The following DDX41 variants were observed in gnomAD, a reference collection of about 807,000 sequenced individuals.
DDX41 encodes probable ATP-dependent RNA helicase DDX41.
DDX41 carries 50 observed loss-of-function variants against 78.8 expected under a neutral mutation model. The observed-to-expected ratio is 0.63, with a 90% confidence interval of 0.51 to 0.80. The LOEUF (loss-of-function observed/expected upper bound fraction) is 0.80, where lower values mean the gene tolerates loss of function less well. Ranked by LOEUF, DDX41 falls within the 30% of genes least tolerant of loss-of-function variation. The pLI, the probability that DDX41 is intolerant of heterozygous loss-of-function variation, is 0.00. For synonymous variants in DDX41, 381 were observed against 321.5 expected, an observed-to-expected ratio of 1.19 and a Z score of -1.98; for missense variants, 633 against 849.2, an observed-to-expected ratio of 0.75 and a Z score of 3.16.
intron 4 of DDX41, 41 bp from the exon 5 acceptor site, chr5:177,516,030 G>A: frequency 1.2e-6 from 2 of 1,614,030 alleles, no homozygotes; most frequent in Non-Finnish European, 1.7e-6. Flanking sequence ...TCCTGCTTCT[G>A]AGAAGCCAGA....
At chr5:177,516,013 G>A in intron 4 of DDX41, 24 bp from the exon 5 acceptor site, 3 of 1,614,152 alleles carry the variant, frequency 1.9e-6, no homozygotes, top group Non-Finnish European at 2.5e-6. Flanking sequence ...CATGGCTCAG[G>A]GCTGGCTCCT....
chr5:177,516,821 G>A lies in DDX41; in HGVS notation c.42C>T (p.Asp14=), dbSNP rs1240631753. The part of the protein sequence containing the change: ...SEPERKRART[D]EVPAGGSRSE... ...AGCGGCTTCCTCCGGCAGGCACCTCGTCGGTGCGAGCCCGCTGCAAGCACA... is the reference window on the plus strand; with the variant it reads ...AGCGGCTTCCTCCGGCAGGCACCTCATCGGTGCGAGCCCGCTGCAAGCACA... Residue 14 remains aspartate (D), a synonymous_variant, in exon 2 of 17, where the codon GAC becomes GAT. Coordinates refer to ENST00000330503, the MANE Select transcript of DDX41 (RefSeq NM_016222.4). 5 of 1,612,518 alleles carry A rather than the reference G, an allele frequency of 3.1e-6. No individual in the cohort carries two copies. Among genetic ancestry groups the A allele is most frequent in the Non-Finnish European group, 3.4e-6 (4 of 1,179,882 alleles).
Position 177,513,596 on chromosome 5 carries a change from G to A in DDX41, c.1098+89C>T. 6.2e-7 allele frequency: 1 copy of A among 1,601,930 alleles called. No individual in the cohort carries two copies. On this transcript the variant is annotated intron_variant, in intron 10 of 16. Transcript: ENST00000330503. This position sits in a 1 kb window ranked among gnomAD's most constrained non-coding sequence, Gnocchi z 4.6. ...GCCCACAAAGTATGAGCAGTGGGTT[G>A]GGGTGGCCAGGGGCATGGGGTCCCT...
chr5:177,514,370 C>G lies in DDX41; in HGVS notation c.935+331G>C. ...TGACTGACCACTGAATGACCCTGACCTTCCTGGGCCGTCCGCCTCTGTGCT... is the reference window on the plus strand; with the variant it reads ...TGACTGACCACTGAATGACCCTGACGTTCCTGGGCCGTCCGCCTCTGTGCT... On this transcript the variant is annotated intron_variant, in intron 9 of 16. Transcript: ENST00000330503. The surrounding 1 kb of genome is among the most constrained non-coding windows in gnomAD (Gnocchi z 4.2). 2 of 458,552 alleles carry G rather than the reference C, an allele frequency of 4.4e-6. No homozygotes were observed. Among genetic ancestry groups the G allele is most frequent in the Non-Finnish European group, 8.1e-6 (2 of 245,704 alleles). 28.4% of individuals were successfully genotyped at this position (458,552 alleles called of 1,614,324 possible).
chr5:177,514,954 T>C lies in DDX41; in HGVS notation c.760A>G (p.Lys254Glu). The part of the protein sequence containing the change: ...LEQEKRLPFS[K>E]REGPYGLIIC... ...ATGAGTCCATAGGGCCCCTCGCGCT[T>C]TGAGAAGGGTAACCTCTTCTCTTGT... Residue 254 changes from lysine to glutamate, a missense_variant, in exon 8 of 17, where the codon AAG (lysine) becomes GAG (glutamate). Transcript: ENST00000330503. The surrounding 1 kb of genome is among the most constrained non-coding windows in gnomAD (Gnocchi z 4.2). The C allele has an allele frequency of 6.2e-7, 1 of 1,612,622 alleles. No homozygotes were observed. The highest frequency in any genetic ancestry group is 8.5e-7 in the Non-Finnish European group (1 of 1,178,954).
Position 177,513,563 on chromosome 5 carries a change from G to A in DDX41, c.1099-79C>T, listed in dbSNP as rs1581805288. The A allele has an allele frequency of 6.2e-7, 1 of 1,609,430 alleles. No homozygotes were observed. Among genetic ancestry groups the A allele is most frequent in the East Asian group, 2.2e-5 (1 of 44,858 alleles). On this transcript the variant is annotated intron_variant, in intron 10 of 16. Coordinates refer to ENST00000330503, the MANE Select transcript of DDX41 (RefSeq NM_016222.4). This position sits in a 1 kb window ranked among gnomAD's most constrained non-coding sequence, Gnocchi z 4.6. The stretch of plus-strand genomic sequence containing the variant: ...TGGGGTCTGGGGAAGCTGAGCAACT[G>A]AGACACAGCCCACAAAGTATGAGCA...
rs1761199338 is a variant in DDX41, at chr5:177,515,773, C to T, written c.483G>A (p.Glu161=). 4 of 1,614,060 alleles carry T rather than the reference C, an allele frequency of 2.5e-6. No homozygotes were observed. Among genetic ancestry groups the T allele is most frequent in the Non-Finnish European group, 3.4e-6 (4 of 1,180,056 alleles). Residue 161 remains glutamate (E), a synonymous_variant, in exon 6 of 17, where the codon GAG becomes GAA. Transcript: ENST00000330503. ...GGATGTGGTATTTCTTCCGCACGCG[C>T]TCATGTCGCTCTTCAGACATGCTCA... ...YVLSMSEERH[E]RVRKKYHILV...
intron 6 of DDX41, 91 bp downstream of exon 6, chr5:177,515,594 G>A (rs1761188953): frequency 6.7e-7 from 1 of 1,495,634 alleles, no homozygotes; most frequent in African/African-American, 1.4e-5. Context: ...TGGATCCAAT[G>A]CAGATGTGGC....
At position 177,512,767 on chromosome 5, in the gene DDX41, G is replaced by T; in HGVS notation, c.1399+13C>A. The T allele has an allele frequency of 6.2e-7, 1 of 1,613,892 alleles. No homozygotes were observed. Among genetic ancestry groups the T allele is most frequent in the Non-Finnish European group, 8.5e-7 (1 of 1,179,876 alleles). ...TGCAGCAGGGTCCAAGCCAGTGCTT[G>T]CACCACCCTGACCTTTGCCCCCATG... On this transcript the variant is annotated intron_variant, in intron 13 of 16. Coordinates refer to ENST00000330503, the MANE Select transcript of DDX41 (RefSeq NM_016222.4).
In DDX41 at chr5:177,514,207, G is replaced by T. The variant is rs763014152; in HGVS notation, c.936-360C>A. ...AATACTCAGAAGTCCGTGGAGGAAGGCCTCCGGGATGGGGTCTGGCCCATC... is the reference window on the plus strand; with the variant it reads ...AATACTCAGAAGTCCGTGGAGGAAGTCCTCCGGGATGGGGTCTGGCCCATC... On this transcript the variant is annotated intron_variant, in intron 9 of 16. Coordinates refer to ENST00000330503, the MANE Select transcript of DDX41 (RefSeq NM_016222.4). The surrounding 1 kb of genome is among the most constrained non-coding windows in gnomAD (Gnocchi z 4.2). 129 of 500,920 alleles carry T rather than the reference G, an allele frequency of 2.6e-4. 4 individuals are homozygous for T. The highest frequency in any genetic ancestry group is 2.0e-4 in the Non-Finnish European group (52 of 256,860). The allele number at this position is 500,920 out of a possible 1,614,324, so 31.0% of individuals were successfully genotyped here.
chr5:177,515,903 G>C, intron 5 of DDX41, 26 bp downstream of exon 5: 1 of 1,614,150 alleles, frequency 6.2e-7, no homozygotes. Context: ...CCTAAGCAAG[G>C]GCAACTGCAG....
chr5:177,514,951 G>A lies in DDX41; in HGVS notation c.763C>T (p.Arg255Cys), dbSNP rs760338178. ...ATGATGAGTCCATAGGGCCCCTCGC[G>A]CTTTGAGAAGGGTAACCTCTTCTCT... is the stretch of plus-strand genomic sequence containing the variant. Reference protein sequence around the residue: ...EQEKRLPFSKREGPYGLIICP... With the variant: ...EQEKRLPFSKCEGPYGLIICP... The change falls in exon 8 of 17, where the codon CGC (arginine) becomes TGC (cysteine). Residue 255 changes from arginine to cysteine, a missense_variant. By Grantham distance (180) the Arg-to-Cys change is radical. Around this residue, in one of 6 missense-constraint regions of DDX41, gnomAD observed 151 missense variants for 169.2 expected, o/e 0.89. Transcript: ENST00000330503. This position sits in a 1 kb window ranked among gnomAD's most constrained non-coding sequence, Gnocchi z 4.2. 6 of 1,612,270 alleles carry A rather than the reference G, an allele frequency of 3.7e-6. No homozygotes were observed. Among genetic ancestry groups the A allele is most frequent in the South Asian group, 2.2e-5 (2 of 91,072 alleles).
Position 177,514,115 on chromosome 5 carries a change from G to A in DDX41, c.936-268C>T. On this transcript the variant is annotated intron_variant, in intron 9 of 16. Transcript: ENST00000330503. The surrounding 1 kb of genome is among the most constrained non-coding windows in gnomAD (Gnocchi z 4.2). ...CCAGAAGCGCTGTCATCAAGCTCCAGAGGCTTTACTCTGGGCTCGCTTTCC... is the reference window on the plus strand; with the variant it reads ...CCAGAAGCGCTGTCATCAAGCTCCAAAGGCTTTACTCTGGGCTCGCTTTCC... The A allele has an allele frequency of 1.6e-6, 1 of 636,768 alleles. No homozygotes were observed. 39.4% of individuals were successfully genotyped at this position (636,768 alleles called of 1,614,324 possible). A position where few individuals can be genotyped will look rare whatever the true frequency, so the allele number is the denominator to read the frequency against.
At position 177,516,913 on chromosome 5, in the gene DDX41, T is replaced by TCCTA. The variant is rs142465759; in HGVS notation, c.27+2_27+5dup. ...CCACACGCGCGGGGTCTCGCCTCTC[T>TCCTA]CCTACCTTCCGTTCGGGTTCCGACT... On this transcript the variant is annotated splice_donor_region_variant and intron_variant, in intron 1 of 16. Coordinates refer to ENST00000330503, the MANE Select transcript of DDX41 (RefSeq NM_016222.4). 2,958 of 1,613,298 alleles carry TCCTA rather than the reference T, an allele frequency of 1.8e-3. 48 individuals are homozygous for TCCTA. In the African/African-American group the frequency reaches 0.032, roughly 17 times the overall value.
intron 6 of DDX41, 66 bp from the exon 7 acceptor site, chr5:177,515,324 A>T: frequency 6.6e-7 from 1 of 1,508,080 alleles, no homozygotes; most frequent in Non-Finnish European, 9.2e-7. Flanking sequence ...CAAAGCCTGT[A>T]AAACTGGCAC....
In DDX41 at chr5:177,513,976, A is replaced by G. The variant is rs1349300782; in HGVS notation, c.936-129T>C. 12 of 939,464 alleles carry G rather than the reference A, an allele frequency of 1.3e-5. No individual in the cohort carries two copies. Among genetic ancestry groups the G allele is most frequent in the Non-Finnish European group, 1.8e-5 (11 of 609,678 alleles). 58.2% of individuals were successfully genotyped at this position (939,464 alleles called of 1,614,324 possible). On this transcript the variant is annotated intron_variant, in intron 9 of 16. Transcript: ENST00000330503. The surrounding 1 kb of genome is among the most constrained non-coding windows in gnomAD (Gnocchi z 4.6). ...TTTCTTTGTCTGTCCCCTTCTCATC[A>G]TTCCCACCACCTGCCCTATGTATAG...
Position 177,513,122 on chromosome 5 carries a change from G to A in DDX41, c.1231-40C>T. ...ATCAGGTCAGGTGATCTTGAGATTA[G>A]GCTTACCCGCCACAGCCCTGCCATG... On this transcript the variant is annotated intron_variant, in intron 11 of 16. Transcript: ENST00000330503. This position sits in a 1 kb window ranked among gnomAD's most constrained non-coding sequence, Gnocchi z 4.6. 6.3e-7 allele frequency: 1 copy of A among 1,575,786 alleles called. No individual in the cohort carries two copies.
rs761366592 is a variant in DDX41, at chr5:177,516,112, A to T, written c.373+7T>A. ...CCACCTTCTCACTATCCTGGCTACA[A>T]CCATACCTCGGCCCTCGGCAACACT... On this transcript the variant is annotated splice_region_variant and intron_variant, in intron 4 of 16. Transcript: ENST00000330503. 6.8e-6 allele frequency: 11 copies of T among 1,613,846 alleles called. No individual in the cohort carries two copies. The highest frequency in any genetic ancestry group is 9.3e-6 in the Non-Finnish European group (11 of 1,180,020).
In DDX41 at chr5:177,512,653, G is replaced by C; in HGVS notation, c.1400-8C>G. The C allele has an allele frequency of 6.2e-7, 1 of 1,613,980 alleles. No individual in the cohort carries two copies. The highest frequency in any genetic ancestry group is 8.5e-7 in the Non-Finnish European group (1 of 1,179,994). ...TAGTCCGTTCCTCCTGGTCTGGGGA[G>C]GGTCAGGCAGACACTGTCAGAGCCA... On this transcript the variant is annotated splice_region_variant and splice_polypyrimidine_tract_variant and intron_variant, in intron 13 of 16. Coordinates refer to ENST00000330503, the MANE Select transcript of DDX41 (RefSeq NM_016222.4).
Sources: gnomAD v4.1 joint callset for allele counts on GRCh38, gnomAD v4.1.1 for gene constraint, gnomAD v4.1.1 regional missense constraint, Gnocchi (gnomAD v3.1) non-coding constraint, MANE v1.5 for transcripts, NCBI Gene and HGNC (gene_info 2026-07-23, HGNC 2026-07-21) for gene names.